Variants in RAD51B observed in about 807,000 individuals in gnomAD.
RAD51B encodes the protein RAD51 paralog B.
Under a neutral mutation model 42.2 loss-of-function variants are expected in RAD51B, and 38 were observed. That is an observed-to-expected ratio of 0.90 (90% confidence interval 0.70 to 1.18). RAD51B has a LOEUF of 1.18. Ranked by LOEUF, RAD51B falls within the 50% of genes most tolerant of loss-of-function variation. RAD51B has a pLI of 0.00. For synonymous variants in RAD51B, 154 were observed against 145.2 expected (o/e 1.06, Z -0.43); for missense variants, 373 against 400.7 (o/e 0.93, Z 0.59).
intron 10 of RAD51B, among the ~76,000 whole-genome samples, chr14:68,641,601 A>G (rs1023701835): frequency 2.0e-5 from 3 of 151,746 alleles, no homozygotes; most frequent in African/African-American, 7.3e-5. Context: ...ATTCTTTATC[A>G]TGTTGAGGAA....
At chr14:68,365,652 A>G (rs1308852569) in intron 8 of RAD51B, among the ~76,000 whole-genome samples, 2 of 152,200 alleles carry the variant, frequency 1.3e-5, no homozygotes, top group African/African-American at 4.8e-5. Context: ...TAAAAAACAA[A>G]TTTTTTAAGG....
downstream of RAD51B, among the ~76,000 whole-genome samples, chr14:68,599,140 C>T (rs1407133672): frequency 6.6e-6 from 1 of 152,178 alleles, no homozygotes; most frequent in Non-Finnish European, 1.5e-5. Context: ...TCGGCCAGTA[C>T]CCTATTCCCA....
At position 68,561,846 on chromosome 14, in the gene RAD51B, G is replaced by C. The variant is rs1486046208; in HGVS notation, c.1037-32639G>C. ...TAGAGTCACACTGGTGGCCCGACTTGTCTGGTCTCTGTAGTTTCCTCTGCT... is the reference window on the plus strand; with the variant it reads ...TAGAGTCACACTGGTGGCCCGACTTCTCTGGTCTCTGTAGTTTCCTCTGCT... On this transcript the variant is annotated intron_variant, in intron 10 of 10. Coordinates refer to the RAD51B transcript ENST00000487270. Among the ~76,000 whole-genome samples the C allele has an allele frequency of 4.6e-5, 7 of 152,206 alleles. No individual in the cohort carries two copies. In the East Asian group the frequency reaches 1.3e-3, roughly 29 times the overall value.
chr14:68,141,047 C>G (rs868773946), intron 7 of RAD51B, among the ~76,000 whole-genome samples: 1 of 152,048 alleles, frequency 6.6e-6, no homozygotes, highest in Non-Finnish European at 1.5e-5. Context: ...AGCAATAAAC[C>G]GGGACTGTCG....
At chr14:68,535,044 G>A (rs1887537033) in intron 10 of RAD51B, among the ~76,000 whole-genome samples, 1 of 152,130 alleles carries the variant, frequency 6.6e-6, no homozygotes, top group Non-Finnish European at 1.5e-5. Context: ...GGACTAGCAA[G>A]TTGTAGAGCC....
chr14:68,189,103 A>C (rs1321658963), intron 7 of RAD51B, among the ~76,000 whole-genome samples: 1 of 151,898 alleles, frequency 6.6e-6, no homozygotes, highest in East Asian at 1.9e-4. Flanking sequence ...TTATTGCTGC[A>C]TATGTATTAT....
chr14:68,353,477 CAG>C (rs2082832251), intron 8 of RAD51B, among the ~76,000 whole-genome samples: 1 of 152,146 alleles, frequency 6.6e-6, no homozygotes, highest in Non-Finnish European at 1.5e-5. Context: ...GCTGGAATAT[CAG>C]GGCTAGAATA....
At chr14:68,039,432 A>C (rs986459601) in intron 7 of RAD51B, among the ~76,000 whole-genome samples, 6 of 151,286 alleles carry the variant, frequency 4.0e-5, no homozygotes, top group African/African-American at 1.5e-4. Flanking sequence ...ATTCCAAAAA[A>C]AAAAAAAAAA....
intron 7 of RAD51B, among the ~76,000 whole-genome samples, chr14:67,925,398 G>A (rs2044470788): frequency 6.6e-6 from 1 of 151,928 alleles, no homozygotes; most frequent in Admixed American, 6.6e-5. Context: ...TCAGCCTCCC[G>A]AGTAGCCGGG....
intron 8 of RAD51B, among the ~76,000 whole-genome samples, chr14:68,308,755 G>A (rs538121125): frequency 1.0e-3 from 146 of 144,306 alleles, no homozygotes; most frequent in Non-Finnish European, 1.7e-3. Context: ...TGCTACACCC[G>A]TAGGCATTTT....
chr14:67,975,108 A>G (rs1272098088), intron 7 of RAD51B, among the ~76,000 whole-genome samples: 2 of 152,154 alleles, frequency 1.3e-5, no homozygotes, highest in Non-Finnish European at 2.9e-5. Context: ...TTATTACCTA[A>G]TGGTTTCTGT....
At chr14:68,168,408 G>A (rs892324622) in intron 7 of RAD51B, among the ~76,000 whole-genome samples, 1 of 152,036 alleles carries the variant, frequency 6.6e-6, no homozygotes, top group African/African-American at 2.4e-5. Flanking sequence ...GTTTACCAAC[G>A]ATCTATGAGG....
At chr14:68,183,291 A>C (rs1412996034) in intron 7 of RAD51B, among the ~76,000 whole-genome samples, 8 of 152,194 alleles carry the variant, frequency 5.3e-5, no homozygotes, top group Non-Finnish European at 1.5e-5. Flanking sequence ...TCACTGGTGT[A>C]AGTCAAGAGT....
At chr14:68,159,917 T>G (rs1265416531) in intron 7 of RAD51B, among the ~76,000 whole-genome samples, 1 of 152,194 alleles carries the variant, frequency 6.6e-6, no homozygotes, top group Non-Finnish European at 1.5e-5. Flanking sequence ...TGGGTAGCCA[T>G]GTGAATTATT....
chr14:68,350,460 T>C (rs1046096898), intron 8 of RAD51B, among the ~76,000 whole-genome samples: 5 of 152,228 alleles, frequency 3.3e-5, no homozygotes, highest in Non-Finnish European at 4.4e-5. Context: ...TGCATCTGCA[T>C]GTTACTATAG....
intron 5 of RAD51B, among the ~76,000 whole-genome samples, chr14:67,878,386 A>G (rs1215448862): frequency 1.3e-5 from 2 of 152,092 alleles, no homozygotes; most frequent in Admixed American, 6.5e-5. Flanking sequence ...ATTTTTTCTT[A>G]TTGATATATA....
intron 7 of RAD51B, among the ~76,000 whole-genome samples, chr14:67,944,976 AAAGT>A (rs1378579229): frequency 6.6e-6 from 1 of 152,220 alleles, no homozygotes; most frequent in Non-Finnish European, 1.5e-5. Context: ...CACCAAAAAG[AAAGT>A]AAGAATCATA....
chr14:68,563,394 GCCCC>G (rs559491659), intron 10 of RAD51B: 1 of 985,144 alleles, frequency 1.0e-6, no homozygotes, highest in Admixed American at 6.2e-5. Context: ...CTTTCTTCCC[GCCCC>G]CCAAGTCCAG....
intron 10 of RAD51B, among the ~76,000 whole-genome samples, chr14:68,589,349 T>C (rs1193187510): frequency 1.3e-5 from 2 of 152,264 alleles, no homozygotes; most frequent in African/African-American, 2.4e-5. Context: ...CAACTGACCC[T>C]CCCTTCCCCC....
Sources: allele counts gnomAD v4.1 joint callset (sites outside exome capture counted in the v4.1 genomes callset), GRCh38; gene constraint gnomAD v4.1.1; transcripts MANE v1.5; gene names NCBI Gene and HGNC (gene_info 2026-07-23, HGNC 2026-07-21).